The following GARNL3 variants were observed in gnomAD, a reference collection of about 807,000 sequenced individuals.
GARNL3 encodes the protein GTPase-activating Rap/Ran-GAP domain-like protein 3.
Under a neutral mutation model 125.0 loss-of-function variants are expected in GARNL3, and 63 were observed. The observed-to-expected ratio is 0.50, with a 90% CI of 0.41 to 0.62. GARNL3 has a LOEUF of 0.62. Ranked by LOEUF, GARNL3 falls within the 20% of genes least tolerant of loss-of-function variation. GARNL3 has a pLI of 0.00. For synonymous variants in GARNL3, 439 were observed against 457.5 expected (o/e 0.96, Z 0.52); for missense variants, 994 against 1,244.0 (o/e 0.80, Z 3.02).
At chr9:127,349,716 A>T (rs976754692) in intron 17 of GARNL3, among the ~76,000 whole-genome samples, 5 of 152,072 alleles carry the variant, frequency 3.3e-5, no homozygotes, top group African/African-American at 1.2e-4. Context: ...ATTATTCCAG[A>T]CCCTGAATGA....
At chr9:127,370,281 G>A (rs1016735715) in intron 22 of GARNL3, among the ~76,000 whole-genome samples, 6 of 152,300 alleles carry the variant, frequency 3.9e-5, no homozygotes, top group South Asian at 2.1e-4. Context: ...GCCTTGATCC[G>A]AAGCTCTGGC....
In GARNL3 at chr9:127,384,357, G is replaced by A. The variant is rs548156572; in HGVS notation, c.2270-670G>A. Among the ~76,000 whole-genome samples the A allele has an allele frequency of 6.6e-6, 1 of 152,176 alleles. No homozygotes were observed. Among genetic ancestry groups the A allele is most frequent in the South Asian group, 2.1e-4 (1 of 4,818 alleles). On this transcript the variant is annotated intron_variant, in intron 23 of 27. Transcript: ENST00000373387. The surrounding 1 kb of genome is among the most constrained non-coding windows in gnomAD (Gnocchi z 4.0). ...GAAAGAGTGCAGAGAGAGCCAGTGC[G>A]AAGAAGGGGACAACACGAAGTGCCA...
At chr9:127,316,576 G>A (rs558905424) in intron 4 of GARNL3, among the ~76,000 whole-genome samples, 11 of 152,226 alleles carry the variant, frequency 7.2e-5, no homozygotes, top group South Asian at 4.2e-4. Context: ...ATCAGAAAAC[G>A]TGTATTTCTA....
chr9:127,290,088 G>T (rs184901833), intron 1 of GARNL3, among the ~76,000 whole-genome samples: 1 of 151,908 alleles, frequency 6.6e-6, no homozygotes, highest in Non-Finnish European at 1.5e-5. Context: ...CAGTTTCCTC[G>T]TTCATAAATG....
chr9:127,356,961 G>A (rs545561291), intron 20 of GARNL3, among the ~76,000 whole-genome samples: 1 of 152,350 alleles, frequency 6.6e-6, no homozygotes, highest in Non-Finnish European at 1.5e-5. Flanking sequence ...ACTGTTGATT[G>A]CATTTTGTTT....
Position 127,231,221 on chromosome 9 carries a change from A to ATTT in GARNL3, c.-29+6887_-29+6889dup, listed in dbSNP as rs754935724. Reference sequence around the variant, plus strand: ...AGGCGCCCGCCACCACGCCCAGCTAATTTTTTGTTTTTTTTTTTTTTTTTG... The same window carrying ATTT: ...AGGCGCCCGCCACCACGCCCAGCTAATTTTTTTTTGTTTTTTTTTTTTTTTTTG... On this transcript the variant is annotated intron_variant, in intron 1 of 10. Transcript: ENST00000439286. Among the ~76,000 whole-genome samples, 166 of 66,026 alleles carry ATTT rather than the reference A, an allele frequency of 2.5e-3. 2 individuals are homozygous for ATTT. The highest frequency in any genetic ancestry group is 3.3e-3 in the African/African-American group (61 of 18,226). 43.3% of individuals were successfully genotyped at this position (66,026 alleles called of 152,430 possible).
chr9:127,331,199 C>G (rs926139302), intron 7 of GARNL3, among the ~76,000 whole-genome samples: 4 of 152,068 alleles, frequency 2.6e-5, no homozygotes, highest in Non-Finnish European at 4.4e-5. Context: ...ACCTACAAAA[C>G]CACTACTGGC....
intron 2 of GARNL3, among the ~76,000 whole-genome samples, chr9:127,247,898 T>C: frequency 6.6e-6 from 1 of 152,196 alleles, no homozygotes; most frequent in East Asian, 1.9e-4. Flanking sequence ...TTCGTACTCA[T>C]TAATTAAAGC....
intron 18 of GARNL3, 124 bp from the exon 19 acceptor site, chr9:127,354,170 G>A: frequency 6.8e-6 from 5 of 734,522 alleles, no homozygotes; most frequent in Middle Eastern, 3.7e-4. Flanking sequence ...AAGTGGTGTG[G>A]GGTGCCTCCT....
chr9:127,359,789 G>T (rs1045659773), intron 21 of GARNL3, among the ~76,000 whole-genome samples: 8 of 152,012 alleles, frequency 5.3e-5, no homozygotes, highest in African/African-American at 1.7e-4. Context: ...TTATATGGTG[G>T]TTTTTATTAT....
At chr9:127,343,541 G>A (rs1196663316) in intron 14 of GARNL3, among the ~76,000 whole-genome samples, 1 of 152,158 alleles carries the variant, frequency 6.6e-6, no homozygotes, top group Non-Finnish European at 1.5e-5. Flanking sequence ...TGCTTAATCT[G>A]TCTTCCCAGT....
At chr9:127,225,686 CT>C (rs2131112345) in intron 1 of GARNL3, among the ~76,000 whole-genome samples, 1 of 149,928 alleles carries the variant, frequency 6.7e-6, no homozygotes, top group African/African-American at 2.5e-5. Context: ...AGAATGTGCC[CT>C]GCCCACCTCT....
chr9:127,379,771 T>C (rs748453133), intron 22 of GARNL3, among the ~76,000 whole-genome samples: 1 of 152,232 alleles, frequency 6.6e-6, no homozygotes, highest in Non-Finnish European at 1.5e-5. Context: ...GAAGAAAATA[T>C]ACAATATAGT....
At chr9:127,354,215 C>A in intron 18 of GARNL3, 79 bp from the exon 19 acceptor site, 1 of 1,033,624 alleles carries the variant, frequency 9.7e-7, no homozygotes, top group Non-Finnish European at 1.5e-6. Flanking sequence ...AGTTTTTCTA[C>A]ACAGTCTGCC....
In GARNL3 at chr9:127,390,674, G is replaced by T; in HGVS notation, c.2777G>T (p.Gly926Val). 2 of 1,613,946 alleles carry T rather than the reference G, an allele frequency of 1.2e-6. No homozygotes were observed. The highest frequency in any genetic ancestry group is 1.1e-5 in the South Asian group (1 of 91,072). The change falls in exon 27 of 28, where the codon GGA becomes GTA. Residue 926 changes from glycine to valine, a missense_variant. This residue lies in a region of GARNL3 where 728 missense variants were observed against 865.7 expected (regional missense o/e 0.84). Transcript: ENST00000373387. ...GATGAAGGTGGACCCAAGTCAGAAG[G>T]AGCGCCAAAGGCCAAATCAAAACCC... Reference protein sequence around the residue: ...LSDEGGPKSEGAPKAKSKPRK... With the variant: ...LSDEGGPKSEVAPKAKSKPRK...
intron 2 of GARNL3, among the ~76,000 whole-genome samples, chr9:127,298,077 G>A (rs2064660047): frequency 6.6e-6 from 1 of 152,168 alleles, no homozygotes; most frequent in Non-Finnish European, 1.5e-5. Flanking sequence ...TCTCTGAATG[G>A]CCTTCCACTC....
At chr9:127,268,678 T>C (rs1012375511) in intron 1 of GARNL3, among the ~76,000 whole-genome samples, 1 of 152,258 alleles carries the variant, frequency 6.6e-6, no homozygotes, top group Non-Finnish European at 1.5e-5. Context: ...CAGAATGTTT[T>C]CCGTCATCCC....
In GARNL3 at chr9:127,388,944, A is replaced by C. The variant is rs1351550280; in HGVS notation, c.2568A>C (p.Arg856Ser). ...QSKNLYKIPL[R>S]NLVGRSIERP... is the part of the protein sequence containing the mutation. Reference sequence around the variant, plus strand: ...AAAATCTGTACAAGATTCCACTTAGAAACCTCGTGGGCAGAAGCATCGAAC... The same window carrying C: ...AAAATCTGTACAAGATTCCACTTAGCAACCTCGTGGGCAGAAGCATCGAAC... Residue 856 changes from arginine to serine, a missense_variant, in exon 26 of 28, where the codon AGA (arginine) becomes AGC (serine). Physicochemically the swap from Arg to Ser is moderately radical, Grantham distance 110. This residue lies in a region of GARNL3 where 728 missense variants were observed against 865.7 expected (regional missense o/e 0.84). Transcript: ENST00000373387. 5.6e-6 allele frequency: 9 copies of C among 1,613,112 alleles called. No individual in the cohort carries two copies. The highest frequency in any genetic ancestry group is 6.8e-6 in the Non-Finnish European group (8 of 1,179,036).
In GARNL3 at chr9:127,333,084, G is replaced by C. The variant is rs746920380; in HGVS notation, c.732G>C (p.Lys244Asn). The change falls in exon 9 of 28, where the codon AAG (lysine) becomes AAC (asparagine). Residue 244 changes from lysine (K) to asparagine (N), a missense_variant. Lys to Asn is a moderately conservative substitution (Grantham distance 94, BLOSUM62 0). Around this residue, in one of 5 missense-constraint regions of GARNL3, gnomAD observed 71 missense variants for 66.2 expected, o/e 1.07. Coordinates refer to ENST00000373387, the MANE Select transcript of GARNL3 (RefSeq NM_032293.5). ...TTCTGGGTGACACAATCACTCTAAA[G>C]GGCTGGACGGGCTACCGTGGCGGTC... ...LNLLGDTITL[K>N]GWTGYRGGLD... is the part of the protein sequence containing the mutation. 1 of 1,614,084 alleles carries C rather than the reference G, an allele frequency of 6.2e-7. No individual in the cohort carries two copies. The highest frequency in any genetic ancestry group is 8.5e-7 in the Non-Finnish European group (1 of 1,179,954).
Sources: allele counts gnomAD v4.1 joint callset (sites outside exome capture counted in the v4.1 genomes callset), GRCh38; gene constraint gnomAD v4.1.1; regional missense constraint gnomAD v4.1.1; non-coding constraint Gnocchi (gnomAD v3.1); transcripts MANE v1.5; gene names NCBI Gene and HGNC (gene_info 2026-07-23, HGNC 2026-07-21).